NTRK2: variants seen among roughly 807,000 people sequenced by gnomAD.
The protein encoded by NTRK2 is neurotrophic receptor tyrosine kinase 2.
In NTRK2, 13 loss-of-function variants were observed where a neutral mutation model predicts 94.5. That is an observed-to-expected ratio of 0.14 (90% CI 0.09 to 0.22). The LOEUF (loss-of-function observed/expected upper bound fraction) is 0.22. NTRK2 is among the 10% of genes least tolerant of loss of function. The pLI is 1.00. For missense variants in NTRK2, 639 were observed against 1,071.2 expected, an observed-to-expected ratio of 0.60 and a Z score of 5.63; for synonymous variants, 372 against 407.4, an observed-to-expected ratio of 0.91 and a Z score of 1.05.
intron 14 of NTRK2, chr9:84,872,640 T>C (rs556955749): frequency 9.4e-7 from 1 of 1,064,230 alleles, no homozygotes; most frequent in African/African-American, 1.6e-5. Context: ...TCCAATGAAA[T>C]GGATTTTTAA....
chr9:84,770,007 G>T (rs757012803), intron 12 of NTRK2, among the ~76,000 whole-genome samples: 16 of 152,036 alleles, frequency 1.1e-4, no homozygotes, highest in Non-Finnish European at 4.4e-5. Flanking sequence ...CTCTGCTCAG[G>T]TACCCTCTGA....
intron 14 of NTRK2, chr9:84,875,441 G>C: frequency 9.4e-7 from 1 of 1,062,302 alleles, no homozygotes; most frequent in Non-Finnish European, 1.1e-6. Flanking sequence ...GACAAGGCAG[G>C]CTGAGAGCTC....
chr9:84,931,780 G>A (rs1159663008), intron 14 of NTRK2, among the ~76,000 whole-genome samples: 2 of 149,918 alleles, frequency 1.3e-5, no homozygotes, highest in Non-Finnish European at 3.0e-5. Flanking sequence ...AGAGTGAGAA[G>A]TAAATCAAGT....
intron 14 of NTRK2, among the ~76,000 whole-genome samples, chr9:84,867,726 AAG>A (rs1439722757): frequency 3.9e-5 from 6 of 152,342 alleles, no homozygotes; most frequent in African/African-American, 1.4e-4. Context: ...TATCTTGAAA[AAG>A]AGAGACAGAA....
At chr9:84,776,994 C>T (rs1442701695) in intron 12 of NTRK2, among the ~76,000 whole-genome samples, 1 of 152,172 alleles carries the variant, frequency 6.6e-6, no homozygotes, top group African/African-American at 2.4e-5. Flanking sequence ...GGTATTAGAA[C>T]ATCTTTATCA....
rs562951945 is a variant in NTRK2, at chr9:84,843,047, C to G, written c.1397-17993C>G. ...TGTCTGTGTGGCTGAATGAATTCCC[C>G]AGCACCTCAGTTCCCTCCTGTAGGA... On this transcript the variant is annotated intron_variant, in intron 12 of 18. Coordinates refer to ENST00000277120, the MANE Select transcript of NTRK2 (RefSeq NM_006180.6). Among the ~76,000 whole-genome samples the G allele has an allele frequency of 1.1e-3, 169 of 152,208 alleles. 2 individuals are homozygous for G. The highest frequency in any genetic ancestry group is 1.5e-3 in the Non-Finnish European group (103 of 68,042).
chr9:84,987,601 T>C (rs1828488246), intron 17 of NTRK2, among the ~76,000 whole-genome samples: 1 of 152,196 alleles, frequency 6.6e-6, no homozygotes, highest in Non-Finnish European at 1.5e-5. Flanking sequence ...GACACCAAGT[T>C]GAACAGTTTA....
At chr9:84,715,691 C>T (rs895465078) in intron 6 of NTRK2, among the ~76,000 whole-genome samples, 2 of 152,050 alleles carry the variant, frequency 1.3e-5, no homozygotes, top group Non-Finnish European at 2.9e-5. Flanking sequence ...CTGATTTGGC[C>T]AGGCTGTGCT....
chr9:84,982,657 A>T (rs1403660734), intron 17 of NTRK2, among the ~76,000 whole-genome samples: 2 of 152,184 alleles, frequency 1.3e-5, no homozygotes, highest in Non-Finnish European at 2.9e-5. Flanking sequence ...CCAATGCGCA[A>T]TGACAAAATC....
chr9:84,929,779 C>A (rs2077959700), intron 14 of NTRK2, among the ~76,000 whole-genome samples: 1 of 152,160 alleles, frequency 6.6e-6, no homozygotes, highest in South Asian at 2.1e-4. Context: ...CCAGGCTGGT[C>A]TCAAACTCCT....
chr9:84,670,750 TGTC>T lies in NTRK2; in HGVS notation c.6_8del (p.Ser3?), dbSNP rs1474485180. 1.9e-6 allele frequency: 3 copies of T among 1,612,476 alleles called. No individual in the cohort carries two copies. Among genetic ancestry groups the T allele is most frequent in the Admixed American group, 3.3e-5 (2 of 60,004 alleles). Reference sequence around the variant, plus strand: ...TCGGGCTGGCACTGGCTGCTAGGGATGTCGTCCTGGATAAGGTGGCATGGACCC... The same window carrying T: ...TCGGGCTGGCACTGGCTGCTAGGGATGTCCTGGATAAGGTGGCATGGACCC... On this transcript the variant is annotated start_lost and inframe_deletion, in exon 2 of 19. Transcript: ENST00000277120.
Position 84,721,179 on chromosome 9 carries a change from C to CTTT in NTRK2, c.584-2382_584-2380dup, listed in dbSNP as rs150800902. On this transcript the variant is annotated intron_variant, in intron 6 of 18. Coordinates refer to ENST00000277120, the MANE Select transcript of NTRK2 (RefSeq NM_006180.6). ...GCATACTCATAATACTCATAATAATCTTTTTTTTTTTTTTGAGATGGAGTC... is the reference window on the plus strand; with the variant it reads ...GCATACTCATAATACTCATAATAATCTTTTTTTTTTTTTTTTTGAGATGGAGTC... 2.1e-3 allele frequency among the ~76,000 whole-genome samples: 311 copies of CTTT among 147,112 alleles called. 2 individuals are homozygous for CTTT. Among genetic ancestry groups the CTTT allele is most frequent in the African/African-American group, 7.0e-3 (279 of 40,020 alleles).
intron 2 of NTRK2, among the ~76,000 whole-genome samples, chr9:84,681,212 G>A (rs910278812): frequency 6.6e-6 from 1 of 152,138 alleles, no homozygotes; most frequent in Non-Finnish European, 1.5e-5. Flanking sequence ...AGATACAGGA[G>A]AGTGTGTCAC....
At chr9:84,988,121 G>C (rs1170737765) in intron 17 of NTRK2, among the ~76,000 whole-genome samples, 1 of 152,210 alleles carries the variant, frequency 6.6e-6, no homozygotes, top group Non-Finnish European at 1.5e-5. Context: ...TCAGTAGAGT[G>C]CCACAAAGAA....
chr9:84,900,867 A>G (rs1398108932), intron 14 of NTRK2, among the ~76,000 whole-genome samples: 3 of 152,138 alleles, frequency 2.0e-5, no homozygotes, highest in African/African-American at 4.8e-5. Context: ...CCATCTATCA[A>G]TTTCAGTACA....
rs369003369 is a variant in NTRK2, at chr9:84,948,646, C to T, written c.1937+12C>T. The T allele has an allele frequency of 7.4e-6, 12 of 1,613,308 alleles. No individual in the cohort carries two copies. The East Asian group carries it at 8.9e-5, about 12-fold the overall frequency. On this transcript the variant is annotated intron_variant, in intron 16 of 18. Coordinates refer to ENST00000277120, the MANE Select transcript of NTRK2 (RefSeq NM_006180.6). ...AACAAGTTCCTCAGGTACAGTGAGG[C>T]GGGGAGGTGGGCTCCAGGAGGGAGC...
chr9:84,682,313 T>C (rs564573176), intron 2 of NTRK2, among the ~76,000 whole-genome samples: 2 of 152,332 alleles, frequency 1.3e-5, no homozygotes, highest in East Asian at 3.9e-4. Context: ...CTTTATTGTA[T>C]GGAATTTAGC....
intron 15 of NTRK2, among the ~76,000 whole-genome samples, chr9:84,945,309 T>A (rs1564489285): frequency 6.6e-6 from 1 of 152,192 alleles, no homozygotes; most frequent in African/African-American, 2.4e-5. Context: ...AGTTGCCTGA[T>A]ACTGGATCAG....
At chr9:84,681,631 A>T (rs1434467308) in intron 2 of NTRK2, among the ~76,000 whole-genome samples, 1 of 152,118 alleles carries the variant, frequency 6.6e-6, no homozygotes, top group African/African-American at 2.4e-5. Flanking sequence ...TGCCATCATC[A>T]TCTTTTGCCT....
Sources: gnomAD v4.1 joint callset for allele counts (sites outside exome capture counted in the v4.1 genomes callset) on GRCh38, gnomAD v4.1.1 for gene constraint, MANE v1.5 for transcripts, NCBI Gene and HGNC (gene_info 2026-07-23, HGNC 2026-07-21) for gene names.